The following ADAMTS17 variants were observed in gnomAD, a reference collection of about 807,000 sequenced individuals.
ADAMTS17 encodes A disintegrin and metalloproteinase with thrombospondin motifs 17.
Under a neutral mutation model 141.5 loss-of-function variants are expected in ADAMTS17, and 113 were observed. The ratio of observed to expected loss-of-function variants is 0.80; its 90% confidence interval spans 0.69 to 0.93. The LOEUF is 0.93. Among genes scored for constraint, ADAMTS17 ranks in the 40% least tolerant of loss-of-function variants. ADAMTS17 has a pLI of 0.00. For missense variants in ADAMTS17, 1,659 were observed against 1,517.9 expected, an observed-to-expected ratio of 1.09 and a Z score of -1.54; for synonymous variants, 768 against 630.6, an observed-to-expected ratio of 1.22 and a Z score of -3.27.
At chr15:100,165,449 C>T (rs1287312064) in intron 8 of ADAMTS17, among the ~76,000 whole-genome samples, 3 of 152,212 alleles carry the variant, frequency 2.0e-5, no homozygotes, top group Admixed American at 6.5e-5. Context: ...AATATGAACA[C>T]GCAATGACAC....
chr15:100,073,465 T>A (rs1387409984), intron 15 of ADAMTS17, among the ~76,000 whole-genome samples: 1 of 152,034 alleles, frequency 6.6e-6, no homozygotes, highest in Non-Finnish European at 1.5e-5. Context: ...CATGCACACG[T>A]ATGTTTATTG....
chr15:100,072,920 C>G (rs2141741942), intron 15 of ADAMTS17, among the ~76,000 whole-genome samples: 1 of 151,832 alleles, frequency 6.6e-6, no homozygotes, highest in East Asian at 1.9e-4. Context: ...ACAAAATTGA[C>G]AAAATTAAAG....
At chr15:100,019,579 T>C (rs2727106) in intron 18 of ADAMTS17, among the ~76,000 whole-genome samples, 118,714 of 152,188 alleles carry the variant, frequency 0.78, 47,019 homozygotes, top group African/African-American at 0.9. Context: ...ACCCGGTGTA[T>C]GACCACACCT....
At chr15:100,154,608 C>T (rs1038674822) in intron 9 of ADAMTS17, among the ~76,000 whole-genome samples, 2 of 152,150 alleles carry the variant, frequency 1.3e-5, no homozygotes, top group Admixed American at 6.5e-5. Context: ...GGACCGGCAC[C>T]GTCCACAGGT....
intron 10 of ADAMTS17, among the ~76,000 whole-genome samples, chr15:100,137,824 A>C (rs1167482674): frequency 6.6e-6 from 1 of 151,974 alleles, no homozygotes; most frequent in Non-Finnish European, 1.5e-5. Context: ...CACTACCAAC[A>C]TCCACCCTTT....
chr15:100,090,066 C>G (rs2035359662), intron 15 of ADAMTS17, among the ~76,000 whole-genome samples: 1 of 151,650 alleles, frequency 6.6e-6, no homozygotes, highest in Non-Finnish European at 1.5e-5. Flanking sequence ...GATTCCTTCT[C>G]TACTGAAAAA....
At chr15:100,031,611 C>T (rs956209464) in intron 18 of ADAMTS17, among the ~76,000 whole-genome samples, 1 of 152,216 alleles carries the variant, frequency 6.6e-6, no homozygotes. Context: ...AGACATCTGT[C>T]CCCTAATGGG....
In ADAMTS17 at chr15:100,341,384, C is replaced by T. The variant is rs558036408; in HGVS notation, c.105G>A (p.Val35=). The part of the protein sequence containing the change: ...GTAVGDAAAD[V]EVVLPWRVRP... ...GCACCCGCCACGGGAGCACCACCTC[C>T]ACGTCGGCCGCCGCGTCGCCGACAG... Residue 35 remains valine (V), a synonymous_variant, in exon 2 of 22, where the codon GTG becomes GTA. Coordinates refer to ENST00000268070, the MANE Select transcript of ADAMTS17 (RefSeq NM_139057.4). The T allele has an allele frequency of 1.1e-4, 110 of 1,017,034 alleles. 1 individual carries two copies. In the South Asian group the frequency reaches 4.3e-3, roughly 40 times the overall value. 63.0% of individuals were successfully genotyped at this position (1,017,034 alleles called of 1,614,324 possible). A position where few individuals can be genotyped will look rare whatever the true frequency, so the allele number is the denominator to read the frequency against.
chr15:100,022,284 C>T (rs1233300460), intron 18 of ADAMTS17, among the ~76,000 whole-genome samples: 1 of 152,190 alleles, frequency 6.6e-6, no homozygotes, highest in South Asian at 2.1e-4. Context: ...ACCCCATGTG[C>T]TGACTTAGCC....
rs146796429 is a variant in ADAMTS17, at chr15:100,234,635, G to A, written c.1075+19501C>T. ...TCCTCTTCTAGGATGAAAACCTCCT[G>A]GGGTTTCCACTTTATCTCAAAACAT... On this transcript the variant is annotated intron_variant, in intron 7 of 21. Transcript: ENST00000268070. Among the ~76,000 whole-genome samples, 95 of 152,292 alleles carry A rather than the reference G, an allele frequency of 6.2e-4. No individual in the cohort carries two copies. The East Asian group carries it at 0.016, about 25-fold the overall frequency.
intron 18 of ADAMTS17, among the ~76,000 whole-genome samples, chr15:100,003,633 T>C (rs1184738857): frequency 6.6e-6 from 1 of 152,140 alleles, no homozygotes; most frequent in Non-Finnish European, 1.5e-5. Flanking sequence ...GTGGAAACGA[T>C]GCAAGTGTCC....
At chr15:100,002,606 CAA>C (rs2060951934) in intron 18 of ADAMTS17, among the ~76,000 whole-genome samples, 1 of 151,994 alleles carries the variant, frequency 6.6e-6, no homozygotes, top group Admixed American at 6.6e-5. Context: ...GAAACAGAGT[CAA>C]GAGGAACGTG....
At chr15:100,289,296 A>G (rs1426591784) in intron 3 of ADAMTS17, among the ~76,000 whole-genome samples, 1 of 152,240 alleles carries the variant, frequency 6.6e-6, no homozygotes, top group Non-Finnish European at 1.5e-5. Context: ...AATCAGGAAG[A>G]AACTGAATCC....
At chr15:100,205,128 C>T (rs186135785) in intron 7 of ADAMTS17, among the ~76,000 whole-genome samples, 82 of 152,248 alleles carry the variant, frequency 5.4e-4, no homozygotes, top group South Asian at 2.7e-3. Context: ...TCCTTGGCTT[C>T]GGTTTCCCAG....
rs1456919454 is a variant in ADAMTS17, at chr15:99,997,391, C to A, written c.2790G>T (p.Trp930Cys). Residue 930 changes from tryptophan to cysteine, a missense_variant, in exon 19 of 22, where the codon TGG (tryptophan) becomes TGT (cysteine). Coordinates refer to ENST00000268070, the MANE Select transcript of ADAMTS17 (RefSeq NM_139057.4). The surrounding 1 kb of genome is among the most constrained non-coding windows in gnomAD (Gnocchi z 4.7). Reference sequence around the variant, plus strand: ...GGCAAGCCCAGGCACCCACCTGTGACCACTCAGACGCCTCCCAGATGGACA... The same window carrying A: ...GGCAAGCCCAGGCACCCACCTGTGAACACTCAGACGCCTCCCAGATGGACA... ...DCLSIWEASEWSQCSASCGKG... is the reference protein window; with the variant it reads ...DCLSIWEASECSQCSASCGKG... 7 of 1,613,660 alleles carry A rather than the reference C, an allele frequency of 4.3e-6. No individual in the cohort carries two copies. Among genetic ancestry groups the A allele is most frequent in the Non-Finnish European group, 5.9e-6 (7 of 1,180,016 alleles).
At position 100,264,870 on chromosome 15, in the gene ADAMTS17, A is replaced by G. The variant is rs150440189; in HGVS notation, c.790-2435T>C. Among the ~76,000 whole-genome samples, 78 of 152,296 alleles carry G rather than the reference A, an allele frequency of 5.1e-4. 1 individual carries two copies. The East Asian group carries it at 0.01, about 20-fold the overall frequency. On this transcript the variant is annotated intron_variant, in intron 4 of 21. Coordinates refer to ENST00000268070, the MANE Select transcript of ADAMTS17 (RefSeq NM_139057.4). ...TACAGAGTTTCCGTTTTGCAAGATA[A>G]AAAAGCTGTAGAGATTGATTGCACA...
At chr15:100,254,918 C>T (rs4595783) in intron 6 of ADAMTS17, among the ~76,000 whole-genome samples, 96,318 of 151,902 alleles carry the variant, frequency 0.63, 31,339 homozygotes, top group East Asian at 0.83. Context: ...ACCTAGGTGA[C>T]GGGTTGATCT....
chr15:100,173,403 T>G (rs75932979), intron 8 of ADAMTS17, among the ~76,000 whole-genome samples: 6,698 of 152,180 alleles, frequency 0.044, 220 homozygotes, highest in East Asian at 0.17. Flanking sequence ...TGCTAGAGTT[T>G]CTGGACACCC....
rs751781414 is a variant in ADAMTS17, at chr15:99,993,212, C to T, written c.2797-12G>A. 3 of 1,614,158 alleles carry T rather than the reference C, an allele frequency of 1.9e-6. No homozygotes were observed. In the South Asian group the frequency reaches 3.3e-5, roughly 18 times the overall value. ...CAGCTGGCAGAGCACTGCAAGACAC[C>T]ATTCAAATATTTAACCGAGTTCCAA... On this transcript the variant is annotated splice_polypyrimidine_tract_variant and intron_variant, in intron 19 of 21. Transcript: ENST00000268070. This position sits in a 1 kb window ranked among gnomAD's most constrained non-coding sequence, Gnocchi z 4.3.
Sources: gnomAD v4.1 joint callset for allele counts (sites outside exome capture counted in the v4.1 genomes callset) on GRCh38, gnomAD v4.1.1 for gene constraint, Gnocchi (gnomAD v3.1) non-coding constraint, MANE v1.5 for transcripts, NCBI Gene and HGNC (gene_info 2026-07-23, HGNC 2026-07-21) for gene names.